The following PCCA variants were observed in gnomAD, a reference collection of about 807,000 sequenced individuals.
PCCA encodes propionyl-CoA carboxylase subunit alpha, also known as propionyl-CoA carboxylase alpha chain, mitochondrial.
Under a neutral mutation model 101.3 loss-of-function variants are expected in PCCA, and 74 were observed. The observed-to-expected ratio is 0.73, with a 90% CI of 0.61 to 0.89. PCCA has a LOEUF of 0.89. PCCA is among the 40% of genes least tolerant of loss of function. The pLI, the probability that PCCA is intolerant of heterozygous loss-of-function variation, is 0.00. For missense variants in PCCA, 891 were observed against 907.0 expected, an observed-to-expected ratio of 0.98 and a Z score of 0.23; for synonymous variants, 294 against 313.6, an observed-to-expected ratio of 0.94 and a Z score of 0.66.
chr13:100,347,836 T>C lies in PCCA; in HGVS notation c.1643+7577T>C, dbSNP rs2072511814. On this transcript the variant is annotated intron_variant, in intron 18 of 23. Transcript: ENST00000376285. The stretch of plus-strand genomic sequence containing the variant: ...GTTCATTTTTGGTGAGTTTATTTTC[T>C]GTTGAAAAAAAGGTACTATCACTTA... Among the ~76,000 whole-genome samples, 4 of 152,134 alleles carry C rather than the reference T, an allele frequency of 2.6e-5. No individual in the cohort carries two copies. In the South Asian group the frequency reaches 6.2e-4, roughly 24 times the overall value.
At chr13:100,419,659 G>A (rs2078617585) in intron 19 of PCCA, among the ~76,000 whole-genome samples, 1 of 152,228 alleles carries the variant, frequency 6.6e-6, no homozygotes, top group Non-Finnish European at 1.5e-5. Context: ...AGTCGTGCAT[G>A]TGTTTGAAAG....
chr13:100,500,917 G>A (rs1054628944), intron 21 of PCCA, among the ~76,000 whole-genome samples: 1 of 152,232 alleles, frequency 6.6e-6, no homozygotes, highest in African/African-American at 2.4e-5. Context: ...GCCGAGGCGG[G>A]TAGATCACAA....
At chr13:100,412,217 A>G (rs1306287262) in intron 19 of PCCA, among the ~76,000 whole-genome samples, 2 of 152,192 alleles carry the variant, frequency 1.3e-5, no homozygotes, top group Admixed American at 6.5e-5. Context: ...GGAAGTTACT[A>G]TTACTCCAGT....
At chr13:100,156,511 A>G (rs1281607605) in intron 5 of PCCA, among the ~76,000 whole-genome samples, 2 of 152,222 alleles carry the variant, frequency 1.3e-5, no homozygotes, top group Non-Finnish European at 2.9e-5. Context: ...GGCGAAATTT[A>G]TGTTTGGCCA....
At chr13:100,500,635 A>T (rs1180505195) in intron 21 of PCCA, among the ~76,000 whole-genome samples, 1 of 152,208 alleles carries the variant, frequency 6.6e-6, no homozygotes, top group Non-Finnish European at 1.5e-5. Context: ...GTCTCAGAAT[A>T]TTAAGGTTAC....
chr13:100,287,828 C>T (rs1378055597), intron 12 of PCCA, among the ~76,000 whole-genome samples: 2 of 150,732 alleles, frequency 1.3e-5, no homozygotes, highest in Admixed American at 1.3e-4. Context: ...TTTTTTTAAT[C>T]AAGAATTTAT....
chr13:100,309,758 T>C (rs1476211358), intron 15 of PCCA, 75 bp from the exon 16 acceptor site: 9 of 988,710 alleles, frequency 9.1e-6, no homozygotes, highest in Admixed American at 2.4e-5. Flanking sequence ...AATATTTTAA[T>C]TTTTACTAAA....
At chr13:100,448,807 C>A (rs1333560249) in intron 20 of PCCA, among the ~76,000 whole-genome samples, 1 of 152,160 alleles carries the variant, frequency 6.6e-6, no homozygotes, top group Non-Finnish European at 1.5e-5. Context: ...AATTCACACA[C>A]CATACAATTC....
chr13:100,452,279 C>T (rs564083109), intron 21 of PCCA, among the ~76,000 whole-genome samples: 1 of 151,764 alleles, frequency 6.6e-6, no homozygotes, highest in Non-Finnish European at 1.5e-5. Flanking sequence ...CTCTGTGTCC[C>T]CACGCCCCCC....
intron 4 of PCCA, among the ~76,000 whole-genome samples, chr13:100,118,867 T>A (rs924609798): frequency 2.0e-5 from 3 of 152,162 alleles, no homozygotes; most frequent in African/African-American, 4.8e-5. Flanking sequence ...TTATTTTTTT[T>A]AATAGTAATA....
intron 4 of PCCA, among the ~76,000 whole-genome samples, chr13:100,121,317 A>G (rs1489359858): frequency 6.6e-6 from 1 of 150,964 alleles, no homozygotes; most frequent in African/African-American, 2.4e-5. Context: ...GCCACCACGC[A>G]CAGCTAATTT....
chr13:100,451,715 CCT>C (rs71114697), intron 21 of PCCA, among the ~76,000 whole-genome samples: 30,973 of 95,840 alleles, frequency 0.32, 5,442 homozygotes, highest in South Asian at 0.58. Flanking sequence ...TCTCCTCTCT[CCT>C]CTCTCTCTCT....
intron 18 of PCCA, among the ~76,000 whole-genome samples, chr13:100,344,730 C>T (rs1357028735): frequency 6.6e-6 from 1 of 152,140 alleles, no homozygotes; most frequent in East Asian, 1.9e-4. Flanking sequence ...TTTCATTGTC[C>T]TTTGCTTTAT....
chr13:100,481,377 G>A (rs2083912713), intron 21 of PCCA, among the ~76,000 whole-genome samples: 1 of 152,014 alleles, frequency 6.6e-6, no homozygotes, highest in African/African-American at 2.4e-5. Flanking sequence ...GGGCAACATG[G>A]CAAAACTCTG....
chr13:100,275,581 A>G (rs1205357122), intron 12 of PCCA, among the ~76,000 whole-genome samples: 1 of 152,078 alleles, frequency 6.6e-6, no homozygotes, highest in Non-Finnish European at 1.5e-5. Context: ...TATCTTGACC[A>G]TTTGCTCCTT....
At chr13:100,469,786 AAAC>A (rs1449703761) in intron 21 of PCCA, among the ~76,000 whole-genome samples, 6 of 152,000 alleles carry the variant, frequency 3.9e-5, no homozygotes, top group South Asian at 2.1e-4. Context: ...TCTCAAAAAA[AAAC>A]AAACAAAACA....
intron 7 of PCCA, among the ~76,000 whole-genome samples, chr13:100,234,892 A>C (rs1040142770): frequency 2.1e-5 from 2 of 95,282 alleles, no homozygotes; most frequent in Non-Finnish European, 2.2e-5. Flanking sequence ...GAATTACACA[A>C]ACACACACAC....
chr13:100,368,632 G>A (rs1029830308), intron 19 of PCCA, 58 bp downstream of exon 19: 1 of 1,094,818 alleles, frequency 9.1e-7, no homozygotes. Context: ...AATATTTAAA[G>A]CCATTTTTAA....
intron 2 of PCCA, among the ~76,000 whole-genome samples, chr13:100,103,267 T>A (rs1361047824): frequency 1.3e-5 from 2 of 152,168 alleles, no homozygotes; most frequent in African/African-American, 4.8e-5. Flanking sequence ...GACTGGGCAT[T>A]TGAGAGATTT....
Sources: gnomAD v4.1 joint callset for allele counts (sites outside exome capture counted in the v4.1 genomes callset) on GRCh38, gnomAD v4.1.1 for gene constraint, MANE v1.5 for transcripts, NCBI Gene and HGNC (gene_info 2026-07-23, HGNC 2026-07-21) for gene names.